The following FHOD3 variants were observed in gnomAD, a reference collection of about 807,000 sequenced individuals.
The protein encoded by FHOD3 is formin homology 2 domain containing 3, also known as FH1/FH2 domain-containing protein 3.
Under a neutral mutation model 173.0 loss-of-function variants are expected in FHOD3, and 90 were observed. The ratio of observed to expected loss-of-function variants is 0.52; its 90% CI spans 0.44 to 0.62. The LOEUF (loss-of-function observed/expected upper bound fraction) is 0.62. Ranked by LOEUF, FHOD3 falls within the 20% of genes least tolerant of loss-of-function variation. The pLI is 0.00. For missense variants in FHOD3, 1,945 were observed against 2,034.7 expected, an observed-to-expected ratio of 0.96 and a Z score of 0.85; for synonymous variants, 828 against 823.0, an observed-to-expected ratio of 1.01 and a Z score of -0.10.
chr18:36,585,856 C>T (rs2059008663), intron 6 of FHOD3, among the ~76,000 whole-genome samples: 1 of 152,182 alleles, frequency 6.6e-6, no homozygotes, highest in South Asian at 2.1e-4. Context: ...AATGCAGAAA[C>T]ACCAAAGTAG....
At chr18:36,485,024 A>C (rs550807805) in intron 3 of FHOD3, among the ~76,000 whole-genome samples, 1 of 152,108 alleles carries the variant, frequency 6.6e-6, no homozygotes, top group African/African-American at 2.4e-5. Context: ...ACGTGCTTCT[A>C]TCTGCTCTAC....
In FHOD3 at chr18:36,566,956, T is replaced by C. The variant is rs181746853; in HGVS notation, c.512-9495T>C. On this transcript the variant is annotated intron_variant, in intron 5 of 28. Coordinates refer to ENST00000590592, the MANE Select transcript of FHOD3 (RefSeq NM_001281740.3). ...GTACTGCGTTTTCTGTTCTATTTCA[T>C]TTATTGAAAAATATGCATTACTGGT... Among the ~76,000 whole-genome samples the C allele has an allele frequency of 4.6e-5, 7 of 152,354 alleles. No individual in the cohort carries two copies. In the East Asian group the frequency reaches 1.3e-3, roughly 29 times the overall value.
At position 36,653,390 on chromosome 18, in the gene FHOD3, C is replaced by A; in HGVS notation, c.1695C>A (p.Tyr565Ter). ...GCACATATTCTGCCTCTGAGCCTTA[C>A]CACTTCCGATCTTTCTCTTCTAATA... is the stretch of plus-strand genomic sequence containing the variant. ...SLSTYSASEP[Y>*]HFRSFSSNRY... Residue 565 changes from tyrosine (Y) to a stop codon, truncating the protein, a stop_gained, in exon 13 of 29, where the codon TAC becomes TAA. Transcript: ENST00000590592. LOFTEE classifies it high-confidence loss of function. 1.3e-6 allele frequency: 2 copies of A among 1,534,736 alleles called. No individual in the cohort carries two copies. The highest frequency in any genetic ancestry group is 1.7e-6 in the Non-Finnish European group (2 of 1,146,192).
chr18:36,568,016 C>CT (rs1221580215), intron 5 of FHOD3, among the ~76,000 whole-genome samples: 3 of 151,820 alleles, frequency 2.0e-5, no homozygotes, highest in East Asian at 3.9e-4. Flanking sequence ...AGCTCTCTGG[C>CT]TGAAGGACTA....
chr18:36,471,131 G>A (rs2053261005), intron 3 of FHOD3, among the ~76,000 whole-genome samples: 1 of 152,208 alleles, frequency 6.6e-6, no homozygotes, highest in Admixed American at 6.5e-5. Context: ...GCGCTTTGGA[G>A]AGGGCGTGCA....
At chr18:36,492,281 C>T (rs545368836) in intron 3 of FHOD3, among the ~76,000 whole-genome samples, 5 of 152,294 alleles carry the variant, frequency 3.3e-5, no homozygotes, top group African/African-American at 1.2e-4. Flanking sequence ...TCTCCATCCC[C>T]AGGCTCACAG....
At chr18:36,477,530 C>T (rs1790637) in intron 3 of FHOD3, among the ~76,000 whole-genome samples, 13,552 of 96,374 alleles carry the variant, frequency 0.14, 1,126 homozygotes, top group East Asian at 0.19. Flanking sequence ...CATCCATCCA[C>T]CCACCCACCC....
chr18:36,347,540 T>G (rs2045931125), intron 1 of FHOD3, among the ~76,000 whole-genome samples: 2 of 152,230 alleles, frequency 1.3e-5, no homozygotes, highest in African/African-American at 4.8e-5. Flanking sequence ...GAACATAACT[T>G]ATTAAATATT....
At chr18:36,342,606 G>T (rs529680735) in intron 1 of FHOD3, among the ~76,000 whole-genome samples, 2 of 149,788 alleles carry the variant, frequency 1.3e-5, no homozygotes, top group Admixed American at 1.3e-4. Context: ...TCTTTATCTA[G>T]CAAAACGTCC....
chr18:36,700,677 G>T (rs981484706), intron 17 of FHOD3, among the ~76,000 whole-genome samples: 23 of 152,048 alleles, frequency 1.5e-4, no homozygotes, highest in African/African-American at 5.1e-4. Context: ...TTAAAAAAAA[G>T]ATCTCTGTAC....
rs764012361 is a variant in FHOD3 at position 36,612,109 on chromosome 18, C to T, written c.957+14C>T. ...AACATTTATGAGGTACCAGACCATG[C>T]CTTTTGTAAGGTATCGTACAGCTTT... On this transcript the variant is annotated intron_variant, in intron 9 of 28. Coordinates refer to ENST00000590592, the MANE Select transcript of FHOD3 (RefSeq NM_001281740.3). The T allele has an allele frequency of 1.9e-6, 3 of 1,611,228 alleles. No homozygotes were observed. The South Asian group carries it at 3.3e-5, about 18-fold the overall frequency.
intron 14 of FHOD3, 35 bp downstream of exon 14, chr18:36,658,223 C>A: frequency 2.8e-6 from 4 of 1,403,850 alleles, no homozygotes; most frequent in Middle Eastern, 1.8e-4. Flanking sequence ...GCTTCACAGT[C>A]CTCAAGTGAG....
intron 17 of FHOD3, among the ~76,000 whole-genome samples, chr18:36,702,458 G>T (rs184743069): frequency 6.6e-6 from 1 of 152,268 alleles, no homozygotes; most frequent in African/African-American, 2.4e-5. Flanking sequence ...ACCTTTTTCA[G>T]ATTTCTGTGA....
At chr18:36,360,785 G>A (rs2046569299) in intron 2 of FHOD3, among the ~76,000 whole-genome samples, 1 of 152,128 alleles carries the variant, frequency 6.6e-6, no homozygotes, top group African/African-American at 2.4e-5. Flanking sequence ...TTCTCAAAGA[G>A]GTCTTTGCCT....
chr18:36,590,380 T>G (rs998858632), intron 6 of FHOD3, among the ~76,000 whole-genome samples: 1 of 148,668 alleles, frequency 6.7e-6, no homozygotes, highest in African/African-American at 2.5e-5. Flanking sequence ...TGAGGTTGGC[T>G]CATAGAATTC....
intron 3 of FHOD3, among the ~76,000 whole-genome samples, chr18:36,464,392 G>T (rs984145359): frequency 6.6e-6 from 1 of 152,088 alleles, no homozygotes; most frequent in Non-Finnish European, 1.5e-5. Flanking sequence ...GATGTGCAGC[G>T]GGGCAGACCT....
chr18:36,617,750 A>G (rs1158069217), intron 9 of FHOD3, among the ~76,000 whole-genome samples: 3 of 152,094 alleles, frequency 2.0e-5, no homozygotes. Context: ...GGCTTATTAG[A>G]ATTCTGTTGG....
At chr18:36,694,945 A>G (rs564301891) in intron 17 of FHOD3, among the ~76,000 whole-genome samples, 1 of 151,974 alleles carries the variant, frequency 6.6e-6, no homozygotes, top group Non-Finnish European at 1.5e-5. Flanking sequence ...TTCAGTAAGA[A>G]TACAGAAAAT....
intron 6 of FHOD3, among the ~76,000 whole-genome samples, chr18:36,590,991 C>A (rs182750722): frequency 6.6e-6 from 1 of 152,274 alleles, no homozygotes; most frequent in African/African-American, 2.4e-5. Flanking sequence ...CAGCCAGGTT[C>A]TTTCCTGGGG....
Sources: gnomAD v4.1 joint callset for allele counts (sites outside exome capture counted in the v4.1 genomes callset) on GRCh38, gnomAD v4.1.1 for gene constraint, MANE v1.5 for transcripts, NCBI Gene and HGNC (gene_info 2026-07-23, HGNC 2026-07-21) for gene names.